USP39: variants seen among roughly 807,000 people sequenced by gnomAD.
USP39 encodes ubiquitin carboxyl-terminal hydrolase 39.
USP39 carries 38 observed loss-of-function variants against 66.4 expected under a neutral mutation model. The observed-to-expected ratio is 0.57, with a 90% CI of 0.44 to 0.75. The LOEUF is 0.75. USP39 is among the 30% of genes least tolerant of loss of function. The probability of loss-of-function intolerance (pLI) is 0.00; values close to 1 mark genes in which losing one functional copy is unlikely to be tolerated. For synonymous variants in USP39, 303 were observed against 274.6 expected (o/e 1.10, Z -1.02); for missense variants, 608 against 714.4 (o/e 0.85, Z 1.70).
chr2:85,636,417 T>C (rs1320775618), intron 7 of USP39, among the ~76,000 whole-genome samples: 2 of 152,222 alleles, frequency 1.3e-5, no homozygotes, highest in African/African-American at 4.8e-5. Context: ...GGTAGGCTAG[T>C]ATCTATGTTA....
At position 85,649,157 on chromosome 2, in the gene USP39, G is replaced by A; in HGVS notation, c.*349G>A. On this transcript the variant is annotated 3_prime_UTR_variant, in exon 13 of 13. Coordinates refer to ENST00000323701, the MANE Select transcript of USP39 (RefSeq NM_006590.4). The stretch of plus-strand genomic sequence containing the variant: ...TAATTCCTTCCAAACATCAAGCCTT[G>A]GGATTCTTGGAGCAAGCAGAAAGCC... The A allele has an allele frequency of 4.7e-6, 1 of 214,256 alleles. No homozygotes were observed. Among genetic ancestry groups the A allele is most frequent in the African/African-American group, 2.3e-5 (1 of 42,988 alleles). The allele number at this position is 214,256 out of a possible 1,614,324, so 13.3% of individuals were successfully genotyped here. A position where few individuals can be genotyped will look rare whatever the true frequency, so the allele number is the denominator to read the frequency against.
intron 6 of USP39, among the ~76,000 whole-genome samples, chr2:85,631,435 G>T (rs1251230866): frequency 6.7e-6 from 1 of 149,816 alleles, no homozygotes; most frequent in Non-Finnish European, 1.5e-5. Context: ...TCTTGCCTCA[G>T]CTTCAAGTAG....
intron 11 of USP39, among the ~76,000 whole-genome samples, chr2:85,646,589 C>T (rs1300869802): frequency 6.6e-6 from 1 of 152,172 alleles, no homozygotes; most frequent in African/African-American, 2.4e-5. Flanking sequence ...CTTATGTGAT[C>T]CTGAGCTTTC....
intron 10 of USP39, 115 bp from the exon 11 acceptor site, chr2:85,644,833 A>G: frequency 7.1e-7 from 1 of 1,412,612 alleles, no homozygotes; most frequent in South Asian, 1.4e-5. Flanking sequence ...AAGCCTACCC[A>G]GAGAAAGGGT....
upstream of USP39, chr2:85,616,106 G>A: frequency 7.3e-7 from 1 of 1,362,514 alleles, no homozygotes; most frequent in Non-Finnish European, 9.5e-7. Context: ...AGAGTTCGGG[G>A]CTCGCTACCA....
rs1675263215 is a variant in USP39, at chr2:85,630,804, CAT to C, written c.808_809del (p.Met270ValfsTer28). On this transcript the variant is annotated frameshift_variant, in exon 6 of 13. Coordinates refer to ENST00000323701, the MANE Select transcript of USP39 (RefSeq NM_006590.4). LOFTEE classifies it high-confidence loss of function. ...ACATCAAACGTCCTCCAGGGGATAT[CAT>C]GTTCTTGTTGGTCCAGCGTTTTGGA... The part of the protein sequence containing the change: ...KNIKRPPGDI[M>X]FLLVQRFGEL... 6.2e-7 allele frequency: 1 copy of C among 1,614,070 alleles called. No homozygotes were observed. Among genetic ancestry groups the C allele is most frequent in the African/African-American group, 1.3e-5 (1 of 74,934 alleles).
At chr2:85,619,415 G>C in intron 2 of USP39, 126 bp downstream of exon 2, 1 of 902,524 alleles carries the variant, frequency 1.1e-6, no homozygotes, top group Non-Finnish European at 1.7e-6. Context: ...AGAGAGTTGT[G>C]CTTCTTGCCA....
At chr2:85,619,311 A>C in intron 2 of USP39, 22 bp downstream of exon 2, 1 of 1,609,886 alleles carries the variant, frequency 6.2e-7, no homozygotes, top group Non-Finnish European at 8.5e-7. Flanking sequence ...AGAGATGCTG[A>C]GTATAGCACA....
In USP39 at chr2:85,632,075, C is replaced by T. The variant is rs566164214; in HGVS notation, c.949+1129C>T. Among the ~76,000 whole-genome samples the T allele has an allele frequency of 3.3e-5, 5 of 152,222 alleles. No individual in the cohort carries two copies. The East Asian group carries it at 9.6e-4, about 29-fold the overall frequency. On this transcript the variant is annotated intron_variant, in intron 6 of 12. Coordinates refer to ENST00000323701, the MANE Select transcript of USP39 (RefSeq NM_006590.4). ...ACTATTTTGACTGTTTTTTTCTCTCCAAACCCAATTTGTTACTGTCTTATG... is the reference window on the plus strand; with the variant it reads ...ACTATTTTGACTGTTTTTTTCTCTCTAAACCCAATTTGTTACTGTCTTATG...
chr2:85,615,912 A>G (rs6547627), upstream of USP39, among the ~76,000 whole-genome samples: 24,264 of 152,148 alleles, frequency 0.16, 3,933 homozygotes, highest in African/African-American at 0.41. Flanking sequence ...TTACAGGCGT[A>G]AGCCACCGCG....
At chr2:85,609,569 G>A (rs369096715), upstream of USP39, 59 of 1,614,092 alleles carry the variant, frequency 3.7e-5, no homozygotes, top group Middle Eastern at 6.6e-4. Flanking sequence ...TCTGGGTTGC[G>A]TGGGTGGGCA....
At chr2:85,618,377 C>T (rs901690878) in intron 1 of USP39, among the ~76,000 whole-genome samples, 2 of 151,876 alleles carry the variant, frequency 1.3e-5, no homozygotes, top group Admixed American at 6.5e-5. Context: ...GCCTGGCCAA[C>T]ATGGTGAAAC....
rs543640825 is a variant in USP39, at chr2:85,630,787, C to G, written c.790C>G (p.Arg264Gly). The G allele has an allele frequency of 6.2e-7, 1 of 1,614,060 alleles. No homozygotes were observed. Among genetic ancestry groups the G allele is most frequent in the Non-Finnish European group, 8.5e-7 (1 of 1,180,036 alleles). The stretch of plus-strand genomic sequence containing the variant: ...AGAAGACAATTATAAGAACATCAAA[C>G]GTCCTCCAGGGGATATCATGTTCTT... ...LEEDNYKNIK[R>G]PPGDIMFLLV... The change falls in exon 6 of 13, where the codon CGT becomes GGT. Residue 264 changes from arginine (R) to glycine (G), a missense_variant. Coordinates refer to ENST00000323701, the MANE Select transcript of USP39 (RefSeq NM_006590.4).
At chr2:85,623,529 A>G in intron 3 of USP39, 117 bp from the exon 4 acceptor site, 2 of 1,371,868 alleles carry the variant, frequency 1.5e-6, no homozygotes, top group Non-Finnish European at 1.9e-6. Flanking sequence ...ATGGCATAAT[A>G]TTTGTTTTTT....
At chr2:85,634,299 C>T (rs888151075) in intron 6 of USP39, among the ~76,000 whole-genome samples, 2 of 151,864 alleles carry the variant, frequency 1.3e-5, no homozygotes, top group Non-Finnish European at 2.9e-5. Flanking sequence ...TGGGGCCAGG[C>T]GCGCTGGCTC....
intron 9 of USP39, among the ~76,000 whole-genome samples, chr2:85,640,714 C>G (rs1354966299): frequency 6.7e-6 from 1 of 149,440 alleles, no homozygotes; most frequent in Non-Finnish European, 1.5e-5. Context: ...CTGAAATGAT[C>G]CCCCTGCCTC....
At position 85,648,758 on chromosome 2, in the gene USP39, C is replaced by G; in HGVS notation, c.1651-3C>G. On this transcript the variant is annotated splice_polypyrimidine_tract_variant and splice_region_variant and intron_variant, in intron 12 of 12. Transcript: ENST00000323701. Reference sequence around the variant, plus strand: ...CTTCAGTTTGTGTTTTCATTTCTTACAGATTTGGAAGAGGCGAGATAATGA... The same window carrying G: ...CTTCAGTTTGTGTTTTCATTTCTTAGAGATTTGGAAGAGGCGAGATAATGA... 6.2e-7 allele frequency: 1 copy of G among 1,614,012 alleles called. No individual in the cohort carries two copies. Among genetic ancestry groups the G allele is most frequent in the Non-Finnish European group, 8.5e-7 (1 of 1,179,934 alleles).
At chr2:85,639,442 CT>C (rs1676061050) in intron 9 of USP39, 51 bp downstream of exon 9, 3 of 1,245,872 alleles carry the variant, frequency 2.4e-6, no homozygotes, top group Non-Finnish European at 3.3e-6. Context: ...GCTCTCTCGA[CT>C]TTTTCATTTT....
intron 5 of USP39, among the ~76,000 whole-genome samples, chr2:85,628,740 C>T (rs1675075316): frequency 6.6e-6 from 1 of 152,084 alleles, no homozygotes. Context: ...TAAACTTTGT[C>T]CATCCTCTTG....
Sources: allele counts gnomAD v4.1 joint callset (sites outside exome capture counted in the v4.1 genomes callset), GRCh38; gene constraint gnomAD v4.1.1; transcripts MANE v1.5; gene names NCBI Gene and HGNC (gene_info 2026-07-23, HGNC 2026-07-21).